NEBL: variants seen among roughly 807,000 people sequenced by gnomAD.
NEBL encodes the protein LIM and SH3 protein 2.
Under a neutral mutation model 140.2 loss-of-function variants are expected in NEBL, and 122 were observed. That is an observed-to-expected ratio of 0.87 (90% CI 0.75 to 1.01). NEBL has a LOEUF of 1.01. Among genes scored for constraint, NEBL ranks in the 50% least tolerant of loss-of-function variants. The pLI, the probability that NEBL is intolerant of heterozygous loss-of-function variation, is 0.00. For missense variants in NEBL, 1,365 were observed against 1,231.3 expected (o/e 1.11, Z -1.62); for synonymous variants, 436 against 398.9 (o/e 1.09, Z -1.11).
intron 3 of NEBL, among the ~76,000 whole-genome samples, chr10:21,008,197 C>A (rs1027361512): frequency 1.3e-5 from 2 of 152,028 alleles, no homozygotes; most frequent in Non-Finnish European, 2.9e-5. Flanking sequence ...TATTTATATG[C>A]ATAATGAATA....
chr10:21,276,103 T>C (rs1842921085), intron 1 of NEBL, among the ~76,000 whole-genome samples: 1 of 151,776 alleles, frequency 6.6e-6, no homozygotes, highest in African/African-American at 2.4e-5. Context: ...CCTGAGTAGA[T>C]GAAACTACAG....
At position 20,791,846 on chromosome 10, in the gene NEBL, G is replaced by A. The variant is rs563481287; in HGVS notation, c.2762-4538C>T. Among the ~76,000 whole-genome samples the A allele has an allele frequency of 1.2e-4, 18 of 152,364 alleles. No homozygotes were observed. In the South Asian group the frequency reaches 3.3e-3, roughly 28 times the overall value. ...AAGTTCACTGGGGGGGATGTACGCAGAGTGCGTGAAAGAAGAGAATATGAT... is the reference window on the plus strand; with the variant it reads ...AAGTTCACTGGGGGGGATGTACGCAAAGTGCGTGAAAGAAGAGAATATGAT... On this transcript the variant is annotated intron_variant, in intron 26 of 27. Transcript: ENST00000377122.
At chr10:21,026,195 C>T (rs1839022057) in intron 2 of NEBL, among the ~76,000 whole-genome samples, 1 of 152,176 alleles carries the variant, frequency 6.6e-6, no homozygotes, top group Non-Finnish European at 1.5e-5. Context: ...ATACTGTCCT[C>T]AGAGGACATT....
At chr10:20,795,619 C>T (rs1259305667) in intron 26 of NEBL, among the ~76,000 whole-genome samples, 1 of 151,952 alleles carries the variant, frequency 6.6e-6, no homozygotes, top group Non-Finnish European at 1.5e-5. Context: ...CAATACCAAC[C>T]TATTTTATCC....
intron 3 of NEBL, among the ~76,000 whole-genome samples, chr10:21,220,311 T>C (rs531978454): frequency 2.0e-5 from 3 of 152,320 alleles, no homozygotes; most frequent in African/African-American, 4.8e-5. Context: ...TATAGACCAA[T>C]GTAACAGAGC....
At chr10:21,134,129 G>A (rs928126451) in intron 2 of NEBL, among the ~76,000 whole-genome samples, 1 of 152,004 alleles carries the variant, frequency 6.6e-6, no homozygotes, top group Non-Finnish European at 1.5e-5. Flanking sequence ...AGGAGGCTGA[G>A]GCAGGAGAAT....
rs759593690 is a variant in NEBL, at chr10:20,880,881, A to G, written c.393T>C (p.Asp131=). The G allele has an allele frequency of 2.2e-5, 35 of 1,614,122 alleles. No individual in the cohort carries two copies. The Admixed American group carries it at 5.7e-4, about 26-fold the overall frequency. The change falls in exon 5 of 28, where the codon GAT becomes GAC. Residue 131 remains aspartate, a synonymous_variant. Coordinates refer to ENST00000377122, the MANE Select transcript of NEBL (RefSeq NM_006393.3). ...QSEVAYKQKH[D]AAKGFSDYAH... ...CATAATCTGAGAATCCTTTGGCAGCATCATGTTTCTGCTTGTAGGCCACCT... is the reference window on the plus strand; with the variant it reads ...CATAATCTGAGAATCCTTTGGCAGCGTCATGTTTCTGCTTGTAGGCCACCT...
At chr10:21,184,860 T>C (rs1184115482) in intron 3 of NEBL, among the ~76,000 whole-genome samples, 1 of 152,248 alleles carries the variant, frequency 6.6e-6, no homozygotes, top group Non-Finnish European at 1.5e-5. Context: ...ATAGAAAACA[T>C]TGGCCTGGTG....
intron 4 of NEBL, among the ~76,000 whole-genome samples, chr10:20,937,248 A>T (rs571540123): frequency 6.6e-5 from 10 of 152,358 alleles, no homozygotes; most frequent in African/African-American, 2.4e-4. Context: ...ATCTCCACTG[A>T]GAAAGCTCGA....
At chr10:20,819,389 T>C (rs1338621165) in intron 20 of NEBL, 35 bp downstream of exon 20, 1 of 1,613,646 alleles carries the variant, frequency 6.2e-7, no homozygotes, top group African/African-American at 1.3e-5. Context: ...TATGTTATGT[T>C]TGAGAAAATA....
chr10:20,809,967 G>C, intron 24 of NEBL, 69 bp from the exon 25 acceptor site: 1 of 728,500 alleles, frequency 1.4e-6, no homozygotes, highest in Non-Finnish European at 2.1e-6. Flanking sequence ...AAAAAAAAAA[G>C]CCAGTACCCA....
intron 2 of NEBL, among the ~76,000 whole-genome samples, chr10:21,081,398 A>T (rs7093356): frequency 2.6e-5 from 4 of 152,226 alleles, no homozygotes; most frequent in Non-Finnish European, 4.4e-5. Context: ...GGGTTGATCA[A>T]ATAAGTAAAC....
rs1835024098 is a variant in NEBL at position 20,781,313 on chromosome 10, A to C, written c.*4434T>G. The C allele has an allele frequency of 6.6e-6, 1 of 152,604 alleles. No individual in the cohort carries two copies. The highest frequency in any genetic ancestry group is 1.5e-5 in the Non-Finnish European group (1 of 68,022). 9.5% of individuals were successfully genotyped at this position (152,604 alleles called of 1,614,324 possible). ...GTTACACTCTCAAAGTTAGTCTCGCAAATTAATCATCAACCACAATTCTAC... is the reference window on the plus strand; with the variant it reads ...GTTACACTCTCAAAGTTAGTCTCGCCAATTAATCATCAACCACAATTCTAC... On this transcript the variant is annotated 3_prime_UTR_variant, in exon 28 of 28. Transcript: ENST00000377122.
Position 21,245,894 on chromosome 10 carries a change from A to G in NEBL, n.348+2027T>C, listed in dbSNP as rs140018899. On this transcript the variant is annotated intron_variant and non_coding_transcript_variant, in intron 3 of 8. Transcript: ENST00000675702. ...GTATCTTTAGTAGAGATGGGGTTTC[A>G]CTGTGTGAGCCAGGATGGTCTCGAT... Among the ~76,000 whole-genome samples, 45 of 152,216 alleles carry G rather than the reference A, an allele frequency of 3.0e-4. 1 individual carries two copies. The East Asian group carries it at 7.0e-3, about 24-fold the overall frequency.
At chr10:21,146,256 G>A (rs142374960) in intron 2 of NEBL, 556 of 1,052,290 alleles carry the variant, frequency 5.3e-4, no homozygotes, top group African/African-American at 2.7e-3. Context: ...ACAGCTGCAC[G>A]TGTCAGGCAG....
chr10:20,824,164 C>G (rs751496089), intron 18 of NEBL, among the ~76,000 whole-genome samples: 14 of 152,266 alleles, frequency 9.2e-5, no homozygotes, highest in Non-Finnish European at 1.8e-4. Context: ...CAAATTCAAT[C>G]TTCCTTGAAT....
intron 11 of NEBL, among the ~76,000 whole-genome samples, chr10:20,848,568 C>G (rs963263612): frequency 2.0e-5 from 3 of 152,182 alleles, no homozygotes; most frequent in Non-Finnish European, 4.4e-5. Context: ...AGCTCTGCCT[C>G]CTGTCAGATC....
At chr10:21,168,918 G>A (rs1047594555) in intron 2 of NEBL, among the ~76,000 whole-genome samples, 7 of 149,976 alleles carry the variant, frequency 4.7e-5, no homozygotes, top group Admixed American at 2.0e-4. Context: ...GCTTGGTGGC[G>A]GGCGCCCCTA....
intron 26 of NEBL, among the ~76,000 whole-genome samples, chr10:20,798,569 T>C (rs1836800582): frequency 6.6e-6 from 1 of 152,178 alleles, no homozygotes; most frequent in Non-Finnish European, 1.5e-5. Context: ...TGTTCAACCA[T>C]CCGATAAGCA....
Sources: allele counts gnomAD v4.1 joint callset (sites outside exome capture counted in the v4.1 genomes callset), GRCh38; gene constraint gnomAD v4.1.1; transcripts MANE v1.5; gene names NCBI Gene and HGNC (gene_info 2026-07-23, HGNC 2026-07-21).